Variants in SPAM1 observed in about 807,000 individuals in gnomAD.
SPAM1 encodes sperm adhesion molecule 1.
SPAM1 carries 22 observed loss-of-function variants against 29.6 expected under a neutral mutation model. The ratio of observed to expected loss-of-function variants is 0.74; its 90% CI spans 0.53 to 1.06. SPAM1 has a LOEUF of 1.06. Ranked by LOEUF, SPAM1 falls within the 50% of genes least tolerant of loss-of-function variation. The pLI, the probability that SPAM1 is intolerant of heterozygous loss-of-function variation, is 0.00. For missense variants in SPAM1, 534 were observed against 604.0 expected (o/e 0.88, Z 1.21); for synonymous variants, 194 against 204.6 (o/e 0.95, Z 0.44).
chr7:123,932,752 A>G (rs1808126382), intron 1 of SPAM1, among the ~76,000 whole-genome samples: 1 of 152,212 alleles, frequency 6.6e-6, no homozygotes, highest in African/African-American at 2.4e-5. Context: ...AAAGACAAGG[A>G]TAGTCTCTTG....
At chr7:123,936,102 T>C (rs563395972) in intron 1 of SPAM1, among the ~76,000 whole-genome samples, 20 of 152,356 alleles carry the variant, frequency 1.3e-4, no homozygotes, top group African/African-American at 4.6e-4. Context: ...TGAAATTTAG[T>C]TGTGGCTTTG....
At chr7:123,948,974 T>C (rs1357756678) in intron 1 of SPAM1, among the ~76,000 whole-genome samples, 3 of 61,808 alleles carry the variant, frequency 4.9e-5, no homozygotes, top group Non-Finnish European at 1.3e-4. Context: ...AATTTGGCTC[T>C]TTTTTTTTTT....
intron 1 of SPAM1, among the ~76,000 whole-genome samples, chr7:123,930,723 A>G (rs1207919894): frequency 1.3e-5 from 2 of 152,178 alleles, no homozygotes. Context: ...CAAATGAGAC[A>G]TAGGATTTAC....
chr7:123,953,757 A>C lies in SPAM1; in HGVS notation c.187A>C (p.Lys63Gln). The C allele has an allele frequency of 1.2e-6, 2 of 1,612,940 alleles. No homozygotes were observed. The highest frequency in any genetic ancestry group is 1.7e-6 in the Non-Finnish European group (2 of 1,179,580). ...WNAPSEFCLG[K>Q]FDEPLDMSLF... Reference sequence around the variant, plus strand: ...TGCCCCAAGTGAATTTTGTCTTGGAAAATTTGATGAGCCACTAGATATGAG... The same window carrying C: ...TGCCCCAAGTGAATTTTGTCTTGGACAATTTGATGAGCCACTAGATATGAG... The change falls in exon 3 of 5, where the codon AAA becomes CAA. Residue 63 changes from lysine to glutamine, a missense_variant. Coordinates refer to ENST00000682466, the MANE Select transcript of SPAM1 (RefSeq NM_153189.3).
At chr7:123,967,144 G>T (rs1792435569) in intron 5 of SPAM1, among the ~76,000 whole-genome samples, 1 of 151,910 alleles carries the variant, frequency 6.6e-6, no homozygotes. Context: ...TAAGATAATG[G>T]CATCAAGTCC....
Position 123,959,507 on chromosome 7 carries a change from T to C in SPAM1, c.1068T>C (p.Asn356=). ...AGAAATCTTGCTTGCTCCTAGACAA[T>C]TACATGGAGACTATACTGAATCCTT... is the stretch of plus-strand genomic sequence containing the variant. The part of the protein sequence containing the change: ...RSMKSCLLLD[N]YMETILNPYI... The change falls in exon 5 of 5, where the codon AAT becomes AAC. Residue 356 remains asparagine, a synonymous_variant. Coordinates refer to ENST00000682466, the MANE Select transcript of SPAM1 (RefSeq NM_153189.3). The C allele has an allele frequency of 1.9e-6, 3 of 1,607,162 alleles. No homozygotes were observed. In the South Asian group the frequency reaches 3.3e-5, roughly 18 times the overall value.
chr7:123,936,848 C>T (rs1266604873), intron 1 of SPAM1, among the ~76,000 whole-genome samples: 1 of 152,190 alleles, frequency 6.6e-6, no homozygotes, highest in East Asian at 1.9e-4. Flanking sequence ...GGAGGCAAAA[C>T]ACCAGCAGTG....
rs1284635154 is a variant in SPAM1 at position 123,937,497 on chromosome 7, A to G, written c.-319+12145A>G. On this transcript the variant is annotated intron_variant, in intron 1 of 4. Coordinates refer to ENST00000682466, the MANE Select transcript of SPAM1 (RefSeq NM_153189.3). ...GCGCCTGTAGTCCCAGCTACTCGGG[A>G]GGCTGAGGCAGGAGAATGGATTGAA... 2.1e-5 allele frequency among the ~76,000 whole-genome samples: 3 copies of G among 146,328 alleles called. No individual in the cohort carries two copies. The East Asian group carries it at 6.5e-4, about 32-fold the overall frequency.
At chr7:123,966,461 A>G (rs1563034760) in intron 5 of SPAM1, among the ~76,000 whole-genome samples, 1 of 152,130 alleles carries the variant, frequency 6.6e-6, no homozygotes. Flanking sequence ...TTATAAAGAC[A>G]CATGCACATG....
Position 123,953,703 on chromosome 7 carries a change from C to T in SPAM1, c.133C>T (p.Pro45Ser). 1 of 1,613,436 alleles carries T rather than the reference C, an allele frequency of 6.2e-7. No homozygotes were observed. Among genetic ancestry groups the T allele is most frequent in the Non-Finnish European group, 8.5e-7 (1 of 1,179,692 alleles). Reference sequence around the variant, plus strand: ...GAATTTCAGAGCACCTCCTGTTATTCCAAATGTGCCTTTCCTCTGGGCCTG... The same window carrying T: ...GAATTTCAGAGCACCTCCTGTTATTTCAAATGTGCCTTTCCTCTGGGCCTG... The part of the protein sequence containing the change: ...TLNFRAPPVI[P>S]NVPFLWAWNA... The change falls in exon 3 of 5, where the codon CCA becomes TCA. Residue 45 changes from proline to serine, a missense_variant. Pro to Ser is a moderately conservative substitution (Grantham distance 74). Transcript: ENST00000682466.
At chr7:123,963,137 T>C (rs1309189759), downstream of SPAM1, among the ~76,000 whole-genome samples, 1 of 151,886 alleles carries the variant, frequency 6.6e-6, no homozygotes, top group East Asian at 1.9e-4. Context: ...GTGAAGGGTA[T>C]ATACATTTTA....
intron 1 of SPAM1, among the ~76,000 whole-genome samples, chr7:123,947,134 A>T (rs1808601155): frequency 6.6e-6 from 1 of 152,128 alleles, no homozygotes; most frequent in South Asian, 2.1e-4. Context: ...TGTTTTGTTA[A>T]TTTTTAAAGG....
rs1055279928 is a variant in SPAM1 at position 123,925,292 on chromosome 7, T to A, written c.-379T>A. On this transcript the variant is annotated 5_prime_UTR_variant, in exon 1 of 5. Coordinates refer to ENST00000682466, the MANE Select transcript of SPAM1 (RefSeq NM_153189.3). ...CCACCTTGATGTGGCTCACATAAATTCAGAAAGTATGATAGCAGTGTAGGT... is the reference window on the plus strand; with the variant it reads ...CCACCTTGATGTGGCTCACATAAATACAGAAAGTATGATAGCAGTGTAGGT... 6.6e-6 allele frequency: 1 copy of A among 152,184 alleles called. No homozygotes were observed. The highest frequency in any genetic ancestry group is 6.5e-5 in the Admixed American group (1 of 15,280). The allele number at this position is 152,184 out of a possible 1,614,324, so 9.4% of individuals were successfully genotyped here. A position where few individuals can be genotyped will look rare whatever the true frequency, so the allele number is the denominator to read the frequency against.
At chr7:123,957,064 G>A (rs1258259788) in intron 4 of SPAM1, among the ~76,000 whole-genome samples, 3 of 151,952 alleles carry the variant, frequency 2.0e-5, no homozygotes, top group Non-Finnish European at 4.4e-5. Context: ...CAACTGCAAT[G>A]TTATTTGAAC....
chr7:123,959,549 A>G lies in SPAM1; in HGVS notation c.1110A>G (p.Thr370=), dbSNP rs766691140. Residue 370 remains threonine, a synonymous_variant, in exon 5 of 5, where the codon ACA becomes ACG. Transcript: ENST00000682466. ...TGAATCCTTACATAATCAACGTCAC[A>G]CTAGCAGCCAAAATGTGTAGCCAAG... The part of the protein sequence containing the change: ...TILNPYIINV[T]LAAKMCSQVL... The G allele has an allele frequency of 6.2e-7, 1 of 1,613,068 alleles. No individual in the cohort carries two copies. The highest frequency in any genetic ancestry group is 1.1e-5 in the South Asian group (1 of 91,052).
intron 2 of SPAM1, among the ~76,000 whole-genome samples, chr7:123,953,162 G>C (rs1446657759): frequency 6.6e-6 from 1 of 151,972 alleles, no homozygotes; most frequent in Admixed American, 6.6e-5. Context: ...GTAGTGATTT[G>C]GGAAGATGAG....
At chr7:123,970,146 A>T (rs1792478625) in intron 5 of SPAM1, 1 of 1,539,274 alleles carries the variant, frequency 6.5e-7, no homozygotes, top group Non-Finnish European at 8.8e-7. Flanking sequence ...AAAGTGCCAC[A>T]GACTAGGTGG....
chr7:123,930,272 A>T (rs1469951800), intron 1 of SPAM1, among the ~76,000 whole-genome samples: 1 of 151,962 alleles, frequency 6.6e-6, no homozygotes, highest in African/African-American at 2.4e-5. Context: ...AAATCCATGG[A>T]TTCATCATTT....
downstream of SPAM1, chr7:123,960,172 A>G (rs1412280637): frequency 1.2e-5 from 8 of 648,240 alleles, no homozygotes; most frequent in East Asian, 1.5e-4. Flanking sequence ...GAGTTCAGGG[A>G]TTTGTATTCC....
Sources: gnomAD v4.1 joint callset for allele counts (sites outside exome capture counted in the v4.1 genomes callset) on GRCh38, gnomAD v4.1.1 for gene constraint, MANE v1.5 for transcripts, NCBI Gene and HGNC (gene_info 2026-07-23, HGNC 2026-07-21) for gene names.